PDSS2: variants seen among roughly 807,000 people sequenced by gnomAD.
PDSS2 encodes decaprenyl diphosphate synthase subunit 2.
A neutral mutation model predicts 44.5 loss-of-function variants in PDSS2; 31 were observed. The ratio of observed to expected loss-of-function variants is 0.70; its 90% CI spans 0.52 to 0.94. The LOEUF is 0.94. Ranked by LOEUF, PDSS2 falls within the 40% of genes least tolerant of loss-of-function variation. The pLI is 0.00. For missense variants in PDSS2, 452 were observed against 482.2 expected, an observed-to-expected ratio of 0.94 and a Z score of 0.59; for synonymous variants, 157 against 180.3, an observed-to-expected ratio of 0.87 and a Z score of 1.03.
intron 6 of PDSS2, among the ~76,000 whole-genome samples, chr6:107,194,691 C>T (rs1772492373): frequency 1.3e-5 from 2 of 152,338 alleles, no homozygotes; most frequent in South Asian, 2.1e-4. Context: ...GTGGCTCACG[C>T]CTGTAATCCC....
intron 7 of PDSS2, among the ~76,000 whole-genome samples, chr6:107,180,283 G>A (rs950735431): frequency 6.6e-6 from 1 of 152,168 alleles, no homozygotes; most frequent in Non-Finnish European, 1.5e-5. Flanking sequence ...CCACAGTGCA[G>A]AGCATCCACC....
At chr6:107,338,896 T>C (rs1332179313) in intron 1 of PDSS2, among the ~76,000 whole-genome samples, 1 of 151,990 alleles carries the variant, frequency 6.6e-6, no homozygotes, top group Non-Finnish European at 1.5e-5. Flanking sequence ...GTATTAATTT[T>C]TTTTTTCTTT....
intron 4 of PDSS2, among the ~76,000 whole-genome samples, chr6:107,216,479 A>G (rs915002504): frequency 6.6e-6 from 1 of 152,172 alleles, no homozygotes; most frequent in African/African-American, 2.4e-5. Context: ...TCTCAAAGAA[A>G]ACCAAAAAAA....
intron 6 of PDSS2, among the ~76,000 whole-genome samples, chr6:107,195,955 T>C (rs11153056): frequency 0.32 from 48,607 of 152,074 alleles, 8,018 homozygotes; most frequent in East Asian, 0.5. Flanking sequence ...TGTGATTAAA[T>C]ATTTTCAGTG....
chr6:107,213,717 C>T (rs922802987), intron 4 of PDSS2, among the ~76,000 whole-genome samples: 1 of 151,996 alleles, frequency 6.6e-6, no homozygotes, highest in Non-Finnish European at 1.5e-5. Context: ...AGATTGCACC[C>T]CTGCACTCCA....
intron 2 of PDSS2, among the ~76,000 whole-genome samples, chr6:107,302,366 T>G (rs901824897): frequency 6.6e-6 from 1 of 151,962 alleles, no homozygotes; most frequent in African/African-American, 2.4e-5. Flanking sequence ...CTCAAATTCC[T>G]GGGCTCAAAG....
intron 6 of PDSS2, among the ~76,000 whole-genome samples, chr6:107,201,555 G>T (rs534028090): frequency 6.6e-6 from 1 of 152,154 alleles, no homozygotes; most frequent in Admixed American, 6.6e-5. Context: ...AGAAACAAAC[G>T]TTTTTTTATA....
At chr6:107,308,638 A>C (rs1365717860) in intron 2 of PDSS2, among the ~76,000 whole-genome samples, 1 of 152,242 alleles carries the variant, frequency 6.6e-6, no homozygotes, top group Admixed American at 6.5e-5. Context: ...GAAGACTCCA[A>C]AGAAGAGGTG....
chr6:107,345,739 G>A (rs963694645), intron 1 of PDSS2, among the ~76,000 whole-genome samples: 1 of 152,112 alleles, frequency 6.6e-6, no homozygotes, highest in Non-Finnish European at 1.5e-5. Context: ...CATTCAAAAT[G>A]TAAAACTATA....
intron 2 of PDSS2, among the ~76,000 whole-genome samples, chr6:107,299,858 C>A (rs1344199076): frequency 6.6e-6 from 1 of 152,146 alleles, no homozygotes; most frequent in African/African-American, 2.4e-5. Flanking sequence ...CCTTACTTCA[C>A]CCATACCAGT....
intron 1 of PDSS2, among the ~76,000 whole-genome samples, chr6:107,336,442 A>C (rs1406647071): frequency 6.6e-6 from 1 of 152,086 alleles, no homozygotes; most frequent in East Asian, 1.9e-4. Context: ...ATCTTCATCA[A>C]GATAAAAGGG....
chr6:107,176,551 T>C (rs911024611), intron 7 of PDSS2, among the ~76,000 whole-genome samples: 1 of 152,160 alleles, frequency 6.6e-6, no homozygotes, highest in African/African-American at 2.4e-5. Flanking sequence ...ATGGCTATTA[T>C]GCTTAGTCTG....
intron 6 of PDSS2, among the ~76,000 whole-genome samples, chr6:107,208,055 T>G (rs1254106147): frequency 7.0e-6 from 1 of 142,760 alleles, no homozygotes; most frequent in African/African-American, 2.6e-5. Context: ...GGCGCAATCT[T>G]GGCTCAATGC....
intron 2 of PDSS2, among the ~76,000 whole-genome samples, chr6:107,282,152 C>A (rs2003584): frequency 0.18 from 27,669 of 152,104 alleles, 2,738 homozygotes; most frequent in African/African-American, 0.22. Context: ...GTGATCCACC[C>A]GCCTTGGCCT....
chr6:107,208,547 T>G (rs1348800952), intron 6 of PDSS2, among the ~76,000 whole-genome samples: 6 of 151,328 alleles, frequency 4.0e-5, no homozygotes, highest in Non-Finnish European at 8.8e-5. Context: ...TCCACCCCCT[T>G]GGCCTCCCAA....
At chr6:107,406,574 A>C (rs543073663) in intron 1 of PDSS2, among the ~76,000 whole-genome samples, 21 of 152,240 alleles carry the variant, frequency 1.4e-4, no homozygotes, top group Non-Finnish European at 2.8e-4. Flanking sequence ...TGAATGATAG[A>C]ATATGGGAGT....
At chr6:107,325,612 G>T in intron 2 of PDSS2, among the ~76,000 whole-genome samples, 1 of 152,038 alleles carries the variant, frequency 6.6e-6, no homozygotes, top group Non-Finnish European at 1.5e-5. Flanking sequence ...CATTTTCACA[G>T]GATATTTGAT....
chr6:107,416,212 T>C (rs1780654479), intron 1 of PDSS2, among the ~76,000 whole-genome samples: 2 of 152,184 alleles, frequency 1.3e-5, no homozygotes, highest in Admixed American at 1.3e-4. Flanking sequence ...AATCCTTTTT[T>C]TCAAGGAAAA....
intron 1 of PDSS2, among the ~76,000 whole-genome samples, chr6:107,449,543 G>C (rs915014895): frequency 2.0e-5 from 3 of 152,102 alleles, no homozygotes; most frequent in Admixed American, 6.6e-5. Context: ...GAATCACACA[G>C]TATTTGTCCT....
Sources: gnomAD v4.1 joint callset for allele counts (sites outside exome capture counted in the v4.1 genomes callset) on GRCh38, gnomAD v4.1.1 for gene constraint, MANE v1.5 for transcripts, NCBI Gene and HGNC (gene_info 2026-07-23, HGNC 2026-07-21) for gene names.